The following YKT6 variants were observed in gnomAD, a reference collection of about 807,000 sequenced individuals.
The protein encoded by YKT6 is YKT6 vesicular SNARE protein.
Under a neutral mutation model 29.3 loss-of-function variants are expected in YKT6, and 12 were observed. That is an observed-to-expected ratio of 0.41 (90% confidence interval 0.26 to 0.66). YKT6 has a LOEUF of 0.66. Ranked by LOEUF, YKT6 falls within the 30% of genes least tolerant of loss-of-function variation. The probability of loss-of-function intolerance (pLI) is 0.32; values close to 1 mark genes in which losing one functional copy is unlikely to be tolerated. For synonymous variants in YKT6, 86 were observed against 94.3 expected (o/e 0.91, Z 0.51); for missense variants, 188 against 243.8 (o/e 0.77, Z 1.52).
intron 1 of YKT6, among the ~76,000 whole-genome samples, chr7:44,203,502 A>G (rs2096337959): frequency 6.6e-6 from 1 of 152,202 alleles, no homozygotes. Context: ...CTTTGTATAC[A>G]TGCTGTCACA....
rs532585730 is a variant in YKT6 at position 44,206,491 on chromosome 7, T to C, written c.288+6T>C. On this transcript the variant is annotated splice_donor_region_variant and intron_variant, in intron 3 of 6. Coordinates refer to ENST00000223369, the MANE Select transcript of YKT6 (RefSeq NM_006555.4). ...CCTTTACCTTGCTGGAGAAGGTGAGTTTTTTATTTGCCTCTCCTGGACTTG... is the reference window on the plus strand; with the variant it reads ...CCTTTACCTTGCTGGAGAAGGTGAGCTTTTTATTTGCCTCTCCTGGACTTG... 1 of 1,612,300 alleles carries C rather than the reference T, an allele frequency of 6.2e-7. No homozygotes were observed. The highest frequency in any genetic ancestry group is 2.2e-5 in the East Asian group (1 of 44,864).
At chr7:44,204,780 T>G (rs1184208475) in intron 2 of YKT6, 130 bp downstream of exon 2, 2 of 772,274 alleles carry the variant, frequency 2.6e-6, no homozygotes, top group African/African-American at 3.5e-5. Flanking sequence ...TTCCCACCTC[T>G]TCCTTTTCCT....
At position 44,204,602 on chromosome 7, in the gene YKT6, A is replaced by C. The variant is rs778414993; in HGVS notation, c.139A>C (p.Ile47Leu). ...ATTCATGACCTTCACGAGTCAACTGATTGTGGAGCGCTCATCGAAAGGCAC... is the reference window on the plus strand; with the variant it reads ...ATTCATGACCTTCACGAGTCAACTGCTTGTGGAGCGCTCATCGAAAGGCAC... Reference protein sequence around the residue: ...QEFMTFTSQLIVERSSKGTRA... With the variant: ...QEFMTFTSQLLVERSSKGTRA... Residue 47 changes from isoleucine (I) to leucine (L), a missense_variant, in exon 2 of 7, where the codon ATT (isoleucine) becomes CTT (leucine). Physicochemically the swap from Ile to Leu is conservative, Grantham distance 5 (BLOSUM62 2). Coordinates refer to ENST00000223369, the MANE Select transcript of YKT6 (RefSeq NM_006555.4). 1 of 1,614,218 alleles carries C rather than the reference A, an allele frequency of 6.2e-7. No individual in the cohort carries two copies.
At chr7:44,208,381 T>G in intron 5 of YKT6, 183 bp downstream of exon 5, 2 of 594,704 alleles carry the variant, frequency 3.4e-6, no homozygotes, top group East Asian at 6.1e-5. Flanking sequence ...ACCCTTCTCT[T>G]GGTTAATGGC....
chr7:44,209,361 A>T (rs1272901118), intron 5 of YKT6, among the ~76,000 whole-genome samples: 1 of 152,192 alleles, frequency 6.6e-6, no homozygotes, highest in East Asian at 1.9e-4. Context: ...TGAACGATAG[A>T]TGTGAAAGTC....
intron 6 of YKT6, 136 bp from the exon 7 acceptor site, chr7:44,212,111 C>T: frequency 2.0e-6 from 2 of 1,012,854 alleles, no homozygotes; most frequent in South Asian, 3.1e-5. Flanking sequence ...TCAAGGCCTC[C>T]ACCCCCACCC....
At chr7:44,205,336 C>T (rs1410094159) in intron 2 of YKT6, among the ~76,000 whole-genome samples, 1 of 152,208 alleles carries the variant, frequency 6.6e-6, no homozygotes, top group Admixed American at 6.5e-5. Context: ...TGTGCCTGCC[C>T]TTCCCACGTT....
Position 44,201,018 on chromosome 7 carries a change from C to T in YKT6, c.-118C>T, listed in dbSNP as rs531231812. The T allele has an allele frequency of 1.7e-5, 13 of 786,762 alleles. No individual in the cohort carries two copies. Among genetic ancestry groups the T allele is most frequent in the South Asian group, 8.1e-5 (4 of 49,574 alleles). The allele number at this position is 786,762 out of a possible 1,614,324, so 48.7% of individuals were successfully genotyped here. ...AGGAGGAAGCCGGCGGTGGCCCCGT[C>T]AGCAGCCGGCTGCTGAGAGGCCGGT... On this transcript the variant is annotated 5_prime_UTR_variant, in exon 1 of 7. Transcript: ENST00000223369.
intron 2 of YKT6, among the ~76,000 whole-genome samples, chr7:44,205,182 G>A (rs538989166): frequency 6.6e-6 from 1 of 152,336 alleles, no homozygotes; most frequent in South Asian, 2.1e-4. Flanking sequence ...GTGACATAGA[G>A]TTACTGAATT....
chr7:44,211,723 A>C (rs941469078), intron 6 of YKT6: 15 of 626,156 alleles, frequency 2.4e-5, no homozygotes, highest in Non-Finnish European at 3.0e-5. Flanking sequence ...CATTGGAGGG[A>C]GATGGCTAGG....
At chr7:44,211,898 T>C (rs958626093) in intron 6 of YKT6, among the ~76,000 whole-genome samples, 23 of 152,086 alleles carry the variant, frequency 1.5e-4, no homozygotes, top group African/African-American at 5.3e-4. Flanking sequence ...AAGACAGGAG[T>C]GGGGCAAAGT....
intron 1 of YKT6, 96 bp from the exon 2 acceptor site, chr7:44,204,472 A>G: frequency 8.8e-7 from 1 of 1,138,544 alleles, no homozygotes; most frequent in Non-Finnish European, 1.3e-6. Context: ...ACCAAGAAGC[A>G]ATGTCTACTT....
intron 6 of YKT6, 116 bp from the exon 7 acceptor site, chr7:44,212,131 G>A: frequency 8.0e-7 from 1 of 1,252,638 alleles, no homozygotes. Flanking sequence ...CTGTTCTAGT[G>A]CTAGTTTCTC....
chr7:44,201,050 C>T lies in YKT6; in HGVS notation c.-86C>T, dbSNP rs534339905. 3.1e-5 allele frequency: 37 copies of T among 1,181,962 alleles called. No individual in the cohort carries two copies. Among genetic ancestry groups the T allele is most frequent in the Non-Finnish European group, 3.8e-5 (33 of 869,606 alleles). The allele number at this position is 1,181,962 out of a possible 1,614,324, so 73.2% of individuals were successfully genotyped here. A position where few individuals can be genotyped will look rare whatever the true frequency, so the allele number is the denominator to read the frequency against. Reference sequence around the variant, plus strand: ...CGGCTGCTGAGAGGCCGGTAGGCGGCGGCGGTCCCGAGGGGCGGCGGCCGC... The same window carrying T: ...CGGCTGCTGAGAGGCCGGTAGGCGGTGGCGGTCCCGAGGGGCGGCGGCCGC... On this transcript the variant is annotated 5_prime_UTR_variant, in exon 1 of 7. Transcript: ENST00000223369.
rs879233696 is a variant in YKT6, at chr7:44,201,012, C to G, written c.-124C>G. On this transcript the variant is annotated 5_prime_UTR_variant, in exon 1 of 7. Transcript: ENST00000223369. Reference sequence around the variant, plus strand: ...GCCAGGAGGAGGAAGCCGGCGGTGGCCCCGTCAGCAGCCGGCTGCTGAGAG... The same window carrying G: ...GCCAGGAGGAGGAAGCCGGCGGTGGGCCCGTCAGCAGCCGGCTGCTGAGAG... The G allele has an allele frequency of 1.8e-4, 129 of 726,064 alleles. 3 individuals are homozygous for G. The South Asian group carries it at 2.6e-3, about 15-fold the overall frequency. 45.0% of individuals were successfully genotyped at this position (726,064 alleles called of 1,614,324 possible). A position where few individuals can be genotyped will look rare whatever the true frequency, so the allele number is the denominator to read the frequency against.
At chr7:44,210,986 C>T in intron 5 of YKT6, 37 bp from the exon 6 acceptor site, 1 of 1,610,048 alleles carries the variant, frequency 6.2e-7, no homozygotes, top group East Asian at 2.2e-5. Context: ...AGGGCACGTA[C>T]TGAACAGAGC....
intron 1 of YKT6, among the ~76,000 whole-genome samples, chr7:44,201,825 G>A (rs1379681451): frequency 6.6e-6 from 1 of 152,146 alleles, no homozygotes; most frequent in East Asian, 1.9e-4. Flanking sequence ...TTTTTAATGG[G>A]TGAAGTCACT....
Position 44,207,326 on chromosome 7 carries a change from T to G in YKT6, c.289-62T>G. On this transcript the variant is annotated intron_variant, in intron 3 of 6. Coordinates refer to ENST00000223369, the MANE Select transcript of YKT6 (RefSeq NM_006555.4). ...GGTGAGGTGCTCAGGGGTGAAGCCC[T>G]GTCATTGAGACCACTGGTGAGTGCA... The G allele has an allele frequency of 2.7e-6, 4 of 1,474,052 alleles. No homozygotes were observed. The South Asian group carries it at 4.6e-5, about 17-fold the overall frequency. 91.3% of individuals were successfully genotyped at this position (1,474,052 alleles called of 1,614,324 possible).
intron 5 of YKT6, 69 bp downstream of exon 5, chr7:44,208,267 C>T: frequency 2.0e-6 from 3 of 1,525,866 alleles, no homozygotes; most frequent in East Asian, 2.3e-5. Flanking sequence ...GCCAGGCATG[C>T]ACAGATCCAT....
Sources: allele counts gnomAD v4.1 joint callset (sites outside exome capture counted in the v4.1 genomes callset), GRCh38; gene constraint gnomAD v4.1.1; transcripts MANE v1.5; gene names NCBI Gene and HGNC (gene_info 2026-07-23, HGNC 2026-07-21).